The following DMRT1 variants were observed in gnomAD, a reference collection of about 807,000 sequenced individuals.
DMRT1 encodes doublesex- and mab-3-related transcription factor 1.
A neutral mutation model predicts 32.3 loss-of-function variants in DMRT1; 7 were observed. The observed-to-expected ratio is 0.22, with a 90% CI of 0.12 to 0.41. The LOEUF (loss-of-function observed/expected upper bound fraction) is 0.41. Ranked by LOEUF, DMRT1 falls within the 10% of genes least tolerant of loss-of-function variation. The pLI, the probability that DMRT1 is intolerant of heterozygous loss-of-function variation, is 1.00. For missense variants in DMRT1, 625 were observed against 500.5 expected, an observed-to-expected ratio of 1.25 and a Z score of -2.37; for synonymous variants, 278 against 206.1, an observed-to-expected ratio of 1.35 and a Z score of -2.99.
intron 4 of DMRT1, among the ~76,000 whole-genome samples, chr9:953,108 A>T (rs1038928326): frequency 1.3e-5 from 2 of 152,108 alleles, no homozygotes; most frequent in Non-Finnish European, 2.9e-5. Context: ...AAGAATGCGG[A>T]TTTGTTCATT....
chr9:948,903 AAATAATAATAAT>A (rs57959311), intron 4 of DMRT1, among the ~76,000 whole-genome samples: 3,623 of 137,700 alleles, frequency 0.026, 144 homozygotes, highest in African/African-American at 0.08. Context: ...TAAAAATACA[AAATAATAATAAT>A]AATAATAATA....
intron 1 of DMRT1, among the ~76,000 whole-genome samples, chr9:845,419 G>T (rs1036177968): frequency 1.3e-5 from 2 of 152,030 alleles, no homozygotes; most frequent in Non-Finnish European, 2.9e-5. Flanking sequence ...TATTGGTCAG[G>T]CTGGTCTCGA....
intron 3 of DMRT1, among the ~76,000 whole-genome samples, chr9:897,592 CA>C (rs74310825): frequency 5.1e-4 from 64 of 126,096 alleles, no homozygotes; most frequent in Admixed American, 7.1e-4. Context: ...ACACTGTCTC[CA>C]AAAAAAAAAA....
At chr9:846,113 C>T (rs1001540309) in intron 1 of DMRT1, among the ~76,000 whole-genome samples, 3 of 150,794 alleles carry the variant, frequency 2.0e-5, no homozygotes, top group Non-Finnish European at 2.9e-5. Flanking sequence ...CTCACTGCAA[C>T]CTCTGCCTCC....
intron 2 of DMRT1, among the ~76,000 whole-genome samples, chr9:891,087 C>T (rs907688331): frequency 6.6e-6 from 1 of 151,586 alleles, no homozygotes; most frequent in Non-Finnish European, 1.5e-5. Flanking sequence ...TGCCTGTAAT[C>T]GTAGCACTTT....
At chr9:915,660 G>C (rs970625046) in intron 3 of DMRT1, among the ~76,000 whole-genome samples, 3 of 152,118 alleles carry the variant, frequency 2.0e-5, no homozygotes, top group Non-Finnish European at 4.4e-5. Context: ...GCATGGCATT[G>C]TGCTAATGTC....
intron 2 of DMRT1, among the ~76,000 whole-genome samples, chr9:877,098 G>A (rs1463904088): frequency 6.6e-6 from 1 of 152,220 alleles, no homozygotes; most frequent in Non-Finnish European, 1.5e-5. Flanking sequence ...CTTCTCTGTG[G>A]TCACATTCTG....
Position 946,462 on chromosome 9 carries a change from A to T in DMRT1, c.968-21523A>T, listed in dbSNP as rs140247300. Among the ~76,000 whole-genome samples, 16 of 152,218 alleles carry T rather than the reference A, an allele frequency of 1.1e-4. 2 individuals carry two copies. In the East Asian group the frequency reaches 2.5e-3, roughly 24 times the overall value. On this transcript the variant is annotated intron_variant, in intron 4 of 4. Coordinates refer to ENST00000382276, the MANE Select transcript of DMRT1 (RefSeq NM_021951.3). Reference sequence around the variant, plus strand: ...GCCTGAAGTGCCAGGTAACTGGACCATTTCATCCACCGTGGCTCTCTCCTC... The same window carrying T: ...GCCTGAAGTGCCAGGTAACTGGACCTTTTCATCCACCGTGGCTCTCTCCTC...
chr9:878,617 C>T (rs1188742736), intron 2 of DMRT1, among the ~76,000 whole-genome samples: 1 of 152,060 alleles, frequency 6.6e-6, no homozygotes, highest in East Asian at 1.9e-4. Context: ...GAAGCCTGGC[C>T]AGGTGCAGCC....
rs542987440 is a variant in DMRT1, at chr9:873,298, A to G, written c.539-20614A>G. Among the ~76,000 whole-genome samples the G allele has an allele frequency of 8.8e-5, 13 of 147,294 alleles. No homozygotes were observed. In the East Asian group the frequency reaches 2.2e-3, roughly 25 times the overall value. ...TTTTTAAGTTTGAATTGTAAAACACATTTCTATAAGCATTTTTTTTTTTTG... is the reference window on the plus strand; with the variant it reads ...TTTTTAAGTTTGAATTGTAAAACACGTTTCTATAAGCATTTTTTTTTTTTG... On this transcript the variant is annotated intron_variant, in intron 2 of 4. Transcript: ENST00000382276.
intron 2 of DMRT1, among the ~76,000 whole-genome samples, chr9:878,871 T>C (rs758144390): frequency 7.9e-5 from 12 of 152,192 alleles, no homozygotes; most frequent in Non-Finnish European, 1.8e-4. Context: ...GGCTGGGACA[T>C]GCAAAACGTA....
chr9:881,436 A>G (rs1816733187), intron 2 of DMRT1, among the ~76,000 whole-genome samples: 1 of 152,220 alleles, frequency 6.6e-6, no homozygotes, highest in African/African-American at 2.4e-5. Context: ...CAAAGACAAA[A>G]CATCTATGAT....
intron 4 of DMRT1, among the ~76,000 whole-genome samples, chr9:921,036 A>G (rs1386278727): frequency 6.6e-6 from 1 of 152,208 alleles, no homozygotes; most frequent in Non-Finnish European, 1.5e-5. Context: ...TCCACCTAAC[A>G]TTAACTATTA....
intron 3 of DMRT1, chr9:894,412 A>C: frequency 1.6e-6 from 1 of 609,646 alleles, no homozygotes; most frequent in Non-Finnish European, 3.0e-6. Context: ...TCTGTCAATA[A>C]TGCCCTTTAG....
At chr9:903,497 C>T (rs911228154) in intron 3 of DMRT1, among the ~76,000 whole-genome samples, 1 of 152,182 alleles carries the variant, frequency 6.6e-6, no homozygotes, top group African/African-American at 2.4e-5. Context: ...TAATGACTTG[C>T]ATGCTTTTGA....
At chr9:861,506 C>T (rs10977179) in intron 2 of DMRT1, among the ~76,000 whole-genome samples, 1 of 152,102 alleles carries the variant, frequency 6.6e-6, no homozygotes, top group African/African-American at 2.4e-5. Context: ...TTTCTTTTCC[C>T]CACATTTCCC....
intron 4 of DMRT1, among the ~76,000 whole-genome samples, chr9:943,043 G>A (rs1484585828): frequency 6.6e-6 from 1 of 151,364 alleles, no homozygotes; most frequent in Non-Finnish European, 1.5e-5. Flanking sequence ...CTGTGTCTTA[G>A]TTTGGGTTTC....
chr9:917,521 C>T (rs1586615289), intron 4 of DMRT1, among the ~76,000 whole-genome samples: 1 of 152,188 alleles, frequency 6.6e-6, no homozygotes, highest in African/African-American at 2.4e-5. Flanking sequence ...GTCTTTACAG[C>T]TGCTGCGTTT....
intron 4 of DMRT1, among the ~76,000 whole-genome samples, chr9:953,873 A>T (rs947674442): frequency 1.2e-4 from 19 of 152,216 alleles, no homozygotes; most frequent in African/African-American, 4.3e-4. Flanking sequence ...TGGCCACCAA[A>T]GGGCTTTAAA....
Sources: gnomAD v4.1 joint callset for allele counts (sites outside exome capture counted in the v4.1 genomes callset) on GRCh38, gnomAD v4.1.1 for gene constraint, MANE v1.5 for transcripts, NCBI Gene and HGNC (gene_info 2026-07-23, HGNC 2026-07-21) for gene names.